GALNT14: variants seen among roughly 807,000 people sequenced by gnomAD.
GALNT14 encodes the protein polypeptide N-acetylgalactosaminyltransferase 14, also known as UDP-GalNAc:polypeptide N-acetylgalactosaminyltransferase 14.
In GALNT14, 60 loss-of-function variants were observed where a neutral mutation model predicts 77.5. That is an observed-to-expected ratio of 0.77 (90% CI 0.63 to 0.96). The LOEUF is 0.96. GALNT14 is among the 40% of genes least tolerant of loss of function. The pLI is 0.00. For missense variants in GALNT14, 710 were observed against 731.0 expected (o/e 0.97, Z 0.33); for synonymous variants, 280 against 281.7 (o/e 0.99, Z 0.06).
chr2:31,068,296 G>A (rs1339992695), intron 1 of GALNT14, among the ~76,000 whole-genome samples: 1 of 152,066 alleles, frequency 6.6e-6, no homozygotes, highest in Non-Finnish European at 1.5e-5. Context: ...AGACCAGCGT[G>A]GCCAACATGG....
intron 1 of GALNT14, among the ~76,000 whole-genome samples, chr2:31,091,612 A>C (rs1208450357): frequency 2.0e-5 from 3 of 152,192 alleles, no homozygotes; most frequent in Non-Finnish European, 1.5e-5. Flanking sequence ...TACAAATAAC[A>C]AATTTATTTA....
intron 6 of GALNT14, among the ~76,000 whole-genome samples, chr2:30,955,191 G>T (rs1323940663): frequency 6.6e-6 from 1 of 152,116 alleles, no homozygotes; most frequent in African/African-American, 2.4e-5. Context: ...GGTGAGGGTA[G>T]AAGTAAGACA....
rs548632564 is a variant in GALNT14 at position 31,125,051 on chromosome 2, G to A, written c.129+12907C>T. The A allele has an allele frequency of 3.7e-4, 286 of 777,216 alleles. No homozygotes were observed. The African/African-American group carries it at 3.8e-3, about 10-fold the overall frequency. The allele number at this position is 777,216 out of a possible 1,614,324, so 48.1% of individuals were successfully genotyped here. ...TCTCTCTCCAGACATCCTGGGGTGC[G>A]CCCAGGAGCTCTGGCAGATCATCCT... On this transcript the variant is annotated intron_variant, in intron 1 of 14. Transcript: ENST00000349752.
chr2:31,115,720 T>A (rs1002992151), intron 1 of GALNT14, among the ~76,000 whole-genome samples: 2 of 152,016 alleles, frequency 1.3e-5, no homozygotes, highest in South Asian at 4.2e-4. Flanking sequence ...GCCCACAGGG[T>A]ATGCAAGTGT....
intron 2 of GALNT14, among the ~76,000 whole-genome samples, chr2:30,977,392 T>G (rs1558460110): frequency 6.6e-6 from 1 of 152,152 alleles, no homozygotes; most frequent in African/African-American, 2.4e-5. Flanking sequence ...TACCCAGCCC[T>G]TCTCTCTGTC....
intron 1 of GALNT14, chr2:31,079,124 C>T (rs1183597552): frequency 1.8e-6 from 2 of 1,127,378 alleles, no homozygotes; most frequent in African/African-American, 3.3e-5. Context: ...GGTGACCACA[C>T]CTTTGGGACA....
At chr2:31,013,615 C>T (rs1671172477) in intron 1 of GALNT14, among the ~76,000 whole-genome samples, 1 of 152,206 alleles carries the variant, frequency 6.6e-6, no homozygotes. Context: ...TTCCCACATC[C>T]AAGCTCAGGG....
chr2:31,071,499 C>T (rs752361985), intron 1 of GALNT14, among the ~76,000 whole-genome samples: 1 of 152,180 alleles, frequency 6.6e-6, no homozygotes, highest in South Asian at 2.1e-4. Context: ...CCAACTGTCC[C>T]AGCCCCTTTC....
At chr2:30,901,690 T>C in the GALNT14 span, among the ~76,000 whole-genome samples, 7 of 151,848 alleles carry the variant, frequency 4.6e-5, no homozygotes, top group Admixed American at 1.3e-4. Context: ...TGTATATATA[T>C]GTGTGTGTGT....
At chr2:30,998,697 A>T (rs1360794142) in intron 1 of GALNT14, among the ~76,000 whole-genome samples, 1 of 152,202 alleles carries the variant, frequency 6.6e-6, no homozygotes, top group Non-Finnish European at 1.5e-5. Context: ...TAGGCACAGA[A>T]ATAACAGGTC....
chr2:30,905,676 G>T (rs534574888), downstream of GALNT14, among the ~76,000 whole-genome samples: 1,047 of 150,908 alleles, frequency 6.9e-3, 12 homozygotes, highest in African/African-American at 0.024. Flanking sequence ...ATCTAGCAAG[G>T]CAGGCCAACG....
At chr2:31,121,060 G>A (rs1021730228) in intron 1 of GALNT14, among the ~76,000 whole-genome samples, 4 of 152,120 alleles carry the variant, frequency 2.6e-5, no homozygotes, top group Non-Finnish European at 4.4e-5. Flanking sequence ...ATTCTTCCAG[G>A]CCCTGGTCAC....
At chr2:31,105,596 C>G (rs1022818526) in intron 1 of GALNT14, among the ~76,000 whole-genome samples, 1 of 152,076 alleles carries the variant, frequency 6.6e-6, no homozygotes, top group Non-Finnish European at 1.5e-5. Context: ...TGTGGTGGCC[C>G]ATGCCTGTAA....
chr2:30,912,298 C>G lies in GALNT14; in HGVS notation c.1425G>C (p.Leu475=), dbSNP rs769614365. 3 of 1,614,146 alleles carry G rather than the reference C, an allele frequency of 1.9e-6. No homozygotes were observed. Residue 475 remains leucine, a synonymous_variant, in exon 14 of 15, where the codon CTG becomes CTC. Coordinates refer to ENST00000349752, the MANE Select transcript of GALNT14 (RefSeq NM_024572.4). The part of the protein sequence containing the change: ...TYTQQILQEE[L]CLSVITLFPG... ...GGAACAAGGTGATGACTGACAGGCA[C>G]AGCTCCTCCTGGAGGATCTGCTGGG...
At chr2:31,116,002 CAG>C (rs1040654424) in intron 1 of GALNT14, among the ~76,000 whole-genome samples, 3 of 152,110 alleles carry the variant, frequency 2.0e-5, no homozygotes, top group African/African-American at 7.2e-5. Context: ...CCCTGGGTGA[CAG>C]AGAGACAGAT....
At chr2:30,919,115 G>T (rs547143736) in intron 13 of GALNT14, among the ~76,000 whole-genome samples, 2 of 152,264 alleles carry the variant, frequency 1.3e-5, no homozygotes, top group East Asian at 3.9e-4. Flanking sequence ...TTTAAATTGG[G>T]ATGGAAACTA....
chr2:30,893,205 C>T, the GALNT14 span, among the ~76,000 whole-genome samples: 2 of 152,054 alleles, frequency 1.3e-5, no homozygotes, highest in Admixed American at 6.5e-5. Context: ...TACTATGCAG[C>T]ACATGTAGAA....
intron 1 of GALNT14, among the ~76,000 whole-genome samples, chr2:31,042,355 G>T (rs1259022538): frequency 6.6e-6 from 1 of 152,200 alleles, no homozygotes; most frequent in Admixed American, 6.5e-5. Flanking sequence ...CCTGAGCCAG[G>T]TAAAGTTAAT....
At position 30,924,278 on chromosome 2, in the gene GALNT14, C is replaced by T. The variant is rs763618158; in HGVS notation, c.1236-15G>A. On this transcript the variant is annotated splice_polypyrimidine_tract_variant and intron_variant, in intron 12 of 14. Transcript: ENST00000349752. ...CCTTGGGGATGCTGGAGGAGAGTCACAGGGAGAGAGGAGAGTCCACTGCTC... is the reference window on the plus strand; with the variant it reads ...CCTTGGGGATGCTGGAGGAGAGTCATAGGGAGAGAGGAGAGTCCACTGCTC... The T allele has an allele frequency of 3.1e-5, 50 of 1,613,678 alleles. No individual in the cohort carries two copies. The highest frequency in any genetic ancestry group is 4.0e-5 in the Non-Finnish European group (47 of 1,179,774).
Sources: gnomAD v4.1 joint callset for allele counts (sites outside exome capture counted in the v4.1 genomes callset) on GRCh38, gnomAD v4.1.1 for gene constraint, MANE v1.5 for transcripts, NCBI Gene and HGNC (gene_info 2026-07-23, HGNC 2026-07-21) for gene names.